CYTH1: variants seen among roughly 807,000 people sequenced by gnomAD.
CYTH1 encodes the protein cytohesin 1.
In CYTH1, 18 loss-of-function variants were observed where a neutral mutation model predicts 61.8. The ratio of observed to expected loss-of-function variants is 0.29; its 90% CI spans 0.20 to 0.43. The LOEUF is 0.43. CYTH1 is among the 20% of genes least tolerant of loss of function. The pLI is 1.00. For synonymous variants in CYTH1, 174 were observed against 184.3 expected, an observed-to-expected ratio of 0.94 and a Z score of 0.45; for missense variants, 336 against 510.5, an observed-to-expected ratio of 0.66 and a Z score of 3.29.
At chr17:78,676,384 G>T in intron 13 of CYTH1, 1 of 563,090 alleles carries the variant, frequency 1.8e-6, no homozygotes, top group South Asian at 2.3e-5. Flanking sequence ...CACGTGACAA[G>T]AAAATTTTGG....
intron 7 of CYTH1, among the ~76,000 whole-genome samples, chr17:78,699,468 T>C (rs192953117): frequency 6.6e-6 from 1 of 152,020 alleles, no homozygotes; most frequent in East Asian, 1.9e-4. Context: ...CACGAAAAAG[T>C]ATATAAAGTA....
intron 1 of CYTH1, among the ~76,000 whole-genome samples, chr17:78,721,423 G>A (rs774940347): frequency 1.3e-5 from 2 of 152,236 alleles, no homozygotes; most frequent in Non-Finnish European, 2.9e-5. Flanking sequence ...CAACATAGAG[G>A]CAGAGGTGCC....
At chr17:78,760,437 A>G (rs12939506) in intron 1 of CYTH1, among the ~76,000 whole-genome samples, 1 of 58,964 alleles carries the variant, frequency 1.7e-5, no homozygotes, top group Non-Finnish European at 3.3e-5. Flanking sequence ...ACATACATAT[A>G]TATATGTATA....
intron 1 of CYTH1, among the ~76,000 whole-genome samples, chr17:78,740,322 TCCAC>T (rs1169937579): frequency 6.6e-6 from 1 of 152,206 alleles, no homozygotes; most frequent in Non-Finnish European, 1.5e-5. Context: ...CATCATTCCT[TCCAC>T]CCACCCATGG....
intron 1 of CYTH1, among the ~76,000 whole-genome samples, chr17:78,746,131 A>T (rs1387903213): frequency 6.6e-6 from 1 of 152,202 alleles, no homozygotes; most frequent in African/African-American, 2.4e-5. Context: ...AACTATATAC[A>T]CAATAAATAA....
chr17:78,774,593 T>A (rs149916279), intron 1 of CYTH1, among the ~76,000 whole-genome samples: 1 of 152,174 alleles, frequency 6.6e-6, no homozygotes, highest in East Asian at 1.9e-4. Flanking sequence ...CCAGGCACCA[T>A]GCCTATTCTG....
intron 11 of CYTH1, among the ~76,000 whole-genome samples, chr17:78,681,662 C>T (rs11650504): frequency 0.21 from 32,014 of 151,976 alleles, 3,439 homozygotes; most frequent in South Asian, 0.26. Flanking sequence ...CCAGCACACG[C>T]CTGACGGCAG....
intron 1 of CYTH1, among the ~76,000 whole-genome samples, chr17:78,767,651 A>G (rs1349645043): frequency 6.6e-6 from 1 of 151,826 alleles, no homozygotes; most frequent in Non-Finnish European, 1.5e-5. Flanking sequence ...AACAATTTAA[A>G]TGGCAAGAAA....
chr17:78,765,927 A>T (rs1193162333), intron 1 of CYTH1, among the ~76,000 whole-genome samples: 1 of 152,012 alleles, frequency 6.6e-6, no homozygotes, highest in East Asian at 1.9e-4. Flanking sequence ...TGGTGACCCT[A>T]CCACAGTACT....
intron 11 of CYTH1, among the ~76,000 whole-genome samples, chr17:78,682,612 G>T (rs1187732270): frequency 6.6e-6 from 1 of 152,190 alleles, no homozygotes; most frequent in Non-Finnish European, 1.5e-5. Flanking sequence ...ATCTCACTTG[G>T]CTAAGAATGT....
At chr17:78,765,000 C>T (rs2093442650) in intron 1 of CYTH1, among the ~76,000 whole-genome samples, 1 of 151,966 alleles carries the variant, frequency 6.6e-6, no homozygotes, top group African/African-American at 2.4e-5. Context: ...CTCAAGCAAA[C>T]AGGGGAAGTC....
intron 1 of CYTH1, among the ~76,000 whole-genome samples, chr17:78,770,627 C>T (rs2093467625): frequency 6.6e-6 from 1 of 152,016 alleles, no homozygotes; most frequent in South Asian, 2.1e-4. Context: ...CCATGTTGGC[C>T]AGGATGGTCT....
intron 9 of CYTH1, chr17:78,696,857 A>T (rs2092943982): frequency 1.3e-5 from 2 of 152,254 alleles, no homozygotes; most frequent in South Asian, 4.1e-4. Context: ...ACTTGAACAC[A>T]CTTTAAACGT....
intron 1 of CYTH1, among the ~76,000 whole-genome samples, chr17:78,759,314 T>C (rs1265248579): frequency 6.6e-6 from 1 of 152,154 alleles, no homozygotes; most frequent in Admixed American, 6.5e-5. Flanking sequence ...GTAGGTCTCA[T>C]GCGCCTAGCA....
chr17:78,770,487 C>T (rs754983025), intron 1 of CYTH1, among the ~76,000 whole-genome samples: 7 of 151,908 alleles, frequency 4.6e-5, no homozygotes, highest in Admixed American at 2.6e-4. Flanking sequence ...GGTGTGACCT[C>T]GGCTCACTGC....
chr17:78,700,277 A>C lies in CYTH1; in HGVS notation c.550+54T>G, dbSNP rs1055619937. ...TTTTAGAAATTATCTGGTGCCAAGAAAATAATCCAGTGTAAAACGCCCATC... is the reference window on the plus strand; with the variant it reads ...TTTTAGAAATTATCTGGTGCCAAGACAATAATCCAGTGTAAAACGCCCATC... On this transcript the variant is annotated intron_variant, in intron 7 of 13. Coordinates refer to ENST00000446868, the MANE Select transcript of CYTH1 (RefSeq NM_004762.6). The surrounding 1 kb of genome is among the most constrained non-coding windows in gnomAD (Gnocchi z 5.1). 6 of 1,459,126 alleles carry C rather than the reference A, an allele frequency of 4.1e-6. No individual in the cohort carries two copies. Among genetic ancestry groups the C allele is most frequent in the Non-Finnish European group, 5.6e-6 (6 of 1,079,784 alleles). The allele number at this position is 1,459,126 out of a possible 1,614,324, so 90.4% of individuals were successfully genotyped here. A position where few individuals can be genotyped will look rare whatever the true frequency, so the allele number is the denominator to read the frequency against.
intron 1 of CYTH1, among the ~76,000 whole-genome samples, chr17:78,734,435 T>G (rs1481814054): frequency 0.058 from 395 of 6,830 alleles, no homozygotes; most frequent in Middle Eastern, 0.17. Flanking sequence ...AAAAAAGCTT[T>G]TTTTTTTTTT....
chr17:78,721,961 C>T (rs556147299), intron 1 of CYTH1, among the ~76,000 whole-genome samples: 2 of 152,202 alleles, frequency 1.3e-5, no homozygotes, highest in Non-Finnish European at 1.5e-5. Context: ...GCAGGAGAAT[C>T]GCTTGAACCT....
At chr17:78,752,627 T>A (rs1290050037) in intron 1 of CYTH1, among the ~76,000 whole-genome samples, 2 of 152,092 alleles carry the variant, frequency 1.3e-5, no homozygotes, top group Non-Finnish European at 2.9e-5. Flanking sequence ...GAGACAGGGT[T>A]TCATTATTGG....
Sources: gnomAD v4.1 joint callset for allele counts (sites outside exome capture counted in the v4.1 genomes callset) on GRCh38, gnomAD v4.1.1 for gene constraint, Gnocchi (gnomAD v3.1) non-coding constraint, MANE v1.5 for transcripts, NCBI Gene and HGNC (gene_info 2026-07-23, HGNC 2026-07-21) for gene names.